Variants in NOCT observed in about 807,000 individuals in gnomAD.
NOCT encodes nocturnin.
In NOCT, 18 loss-of-function variants were observed where a neutral mutation model predicts 35.0. The ratio of observed to expected loss-of-function variants is 0.51; its 90% CI spans 0.36 to 0.76. The LOEUF (loss-of-function observed/expected upper bound fraction) is 0.76, where lower values mean the gene tolerates loss of function less well. NOCT is among the 30% of genes least tolerant of loss of function. The probability of loss-of-function intolerance (pLI) is 0.01; values close to 1 mark genes in which losing one functional copy is unlikely to be tolerated. For synonymous variants in NOCT, 235 were observed against 226.3 expected, an observed-to-expected ratio of 1.04 and a Z score of -0.34; for missense variants, 479 against 541.0, an observed-to-expected ratio of 0.89 and a Z score of 1.14.
chr4:139,025,090 C>G (rs186494584), intron 1 of NOCT, among the ~76,000 whole-genome samples: 204 of 152,298 alleles, frequency 1.3e-3, no homozygotes, highest in Middle Eastern at 3.4e-3. Flanking sequence ...AGAGTTAGCT[C>G]CTGATCTGGT....
chr4:139,039,848 C>G (rs1273540864), intron 1 of NOCT, among the ~76,000 whole-genome samples: 1 of 152,120 alleles, frequency 6.6e-6, no homozygotes, highest in Non-Finnish European at 1.5e-5. Flanking sequence ...CTGCCTCACC[C>G]TCGCGAGTAG....
At chr4:139,022,275 A>C (rs1204082947) in intron 1 of NOCT, among the ~76,000 whole-genome samples, 2 of 152,202 alleles carry the variant, frequency 1.3e-5, no homozygotes, top group Non-Finnish European at 2.9e-5. Context: ...CCTCAAGTGA[A>C]AACCTTAGCT....
At chr4:139,021,623 C>T (rs1726416240) in intron 1 of NOCT, among the ~76,000 whole-genome samples, 1 of 152,024 alleles carries the variant, frequency 6.6e-6, no homozygotes, top group South Asian at 2.1e-4. Context: ...TAAGTCACAA[C>T]TTAGAGTAAA....
intron 1 of NOCT, among the ~76,000 whole-genome samples, chr4:139,038,555 T>C (rs142688315): frequency 2.1e-4 from 32 of 152,350 alleles, no homozygotes; most frequent in African/African-American, 7.5e-4. Flanking sequence ...CAGGGAATGA[T>C]AGACTATCCC....
At chr4:139,024,235 T>G (rs1383969372) in intron 1 of NOCT, among the ~76,000 whole-genome samples, 1 of 151,934 alleles carries the variant, frequency 6.6e-6, no homozygotes, top group Non-Finnish European at 1.5e-5. Context: ...TACTTTTATT[T>G]TTTTGTAGAG....
At chr4:139,044,535 A>G (rs192699544) in intron 2 of NOCT, 104 bp from the exon 3 acceptor site, 3 of 680,656 alleles carry the variant, frequency 4.4e-6, no homozygotes, top group Non-Finnish European at 7.7e-6. Context: ...AAGCATTTAA[A>G]GCAGAGGAAG....
intron 1 of NOCT, among the ~76,000 whole-genome samples, chr4:139,040,879 T>G (rs181824680): frequency 5.9e-5 from 9 of 152,250 alleles, no homozygotes; most frequent in African/African-American, 2.2e-4. Flanking sequence ...GTTTTTTGTT[T>G]GTTTTCCCCA....
intron 2 of NOCT, 65 bp downstream of exon 2, chr4:139,043,408 A>G: frequency 2.7e-6 from 4 of 1,474,296 alleles, no homozygotes; most frequent in Non-Finnish European, 3.8e-6. Flanking sequence ...GCTTCTGCAC[A>G]TCCACAGTGC....
chr4:139,019,012 A>G (rs939999026), intron 1 of NOCT, among the ~76,000 whole-genome samples: 2 of 152,226 alleles, frequency 1.3e-5, no homozygotes, highest in Non-Finnish European at 2.9e-5. Flanking sequence ...TGTTTTCCAA[A>G]GAGCCTCAGA....
intron 1 of NOCT, among the ~76,000 whole-genome samples, chr4:139,023,476 G>A (rs1726452260): frequency 6.6e-6 from 1 of 152,076 alleles, no homozygotes; most frequent in African/African-American, 2.4e-5. Flanking sequence ...GACTCTCTGA[G>A]ACTTAGTTCT....
intron 1 of NOCT, among the ~76,000 whole-genome samples, chr4:139,033,689 AAG>A (rs1726667182): frequency 6.6e-6 from 1 of 151,898 alleles, no homozygotes; most frequent in Non-Finnish European, 1.5e-5. Context: ...AAAAAAAAAA[AAG>A]GGGGAATGTA....
At chr4:139,033,050 G>C (rs999810929) in intron 1 of NOCT, among the ~76,000 whole-genome samples, 5 of 151,800 alleles carry the variant, frequency 3.3e-5, no homozygotes, top group Non-Finnish European at 4.4e-5. Context: ...GAGGAACAGA[G>C]CGAGACTCCA....
intron 1 of NOCT, among the ~76,000 whole-genome samples, chr4:139,041,044 A>T (rs1184808048): frequency 1.3e-5 from 2 of 152,248 alleles, no homozygotes; most frequent in Non-Finnish European, 2.9e-5. Context: ...AAACAGTTGT[A>T]TATGTGTGTA....
At chr4:139,027,838 C>T (rs1197076383) in intron 1 of NOCT, among the ~76,000 whole-genome samples, 1 of 152,162 alleles carries the variant, frequency 6.6e-6, no homozygotes, top group Non-Finnish European at 1.5e-5. Context: ...ATCATTTTCA[C>T]ATGTCATGAA....
rs890396248 is a variant in NOCT at position 139,016,011 on chromosome 4, G to T, written c.30G>T (p.Ser10=). The T allele has an allele frequency of 4.3e-6, 6 of 1,394,636 alleles. No individual in the cohort carries two copies. The highest frequency in any genetic ancestry group is 4.6e-6 in the Non-Finnish European group (5 of 1,075,962). The allele number at this position is 1,394,636 out of a possible 1,614,324, so 86.4% of individuals were successfully genotyped here. A position where few individuals can be genotyped will look rare whatever the true frequency, so the allele number is the denominator to read the frequency against. The change falls in exon 1 of 3, where the codon TCG becomes TCT. Residue 10 remains serine, a synonymous_variant. Transcript: ENST00000280614. Reference sequence around the variant, plus strand: ...TTCATAGTCCGCGGCGGCTCTGCTCGGCCCTGCTGCAGAGGGACGCGCCCG... The same window carrying T: ...TTCATAGTCCGCGGCGGCTCTGCTCTGCCCTGCTGCAGAGGGACGCGCCCG... MFHSPRRLC[S]ALLQRDAPGL... is the part of the protein sequence containing the mutation.
rs1035790946 is a variant in NOCT, at chr4:139,045,827, A to C, written c.*353A>C. On this transcript the variant is annotated 3_prime_UTR_variant, in exon 3 of 3. Transcript: ENST00000280614. ...ACAATGCCAGAGGAAGGATAGAAAC[A>C]TGGGAAGTTTCTATCATTTCATTTT... is the stretch of plus-strand genomic sequence containing the variant. 1.8e-5 allele frequency: 3 copies of C among 166,308 alleles called. No homozygotes were observed. The highest frequency in any genetic ancestry group is 7.1e-5 in the African/African-American group (3 of 42,074). The allele number at this position is 166,308 out of a possible 1,614,324, so 10.3% of individuals were successfully genotyped here.
chr4:139,020,406 G>A (rs1726387018), intron 1 of NOCT, among the ~76,000 whole-genome samples: 1 of 152,078 alleles, frequency 6.6e-6, no homozygotes, highest in African/African-American at 2.4e-5. Flanking sequence ...TCTAATAGGT[G>A]AAAAAGGAGG....
chr4:139,017,905 A>C (rs1434808296), intron 1 of NOCT, among the ~76,000 whole-genome samples: 1 of 152,208 alleles, frequency 6.6e-6, no homozygotes. Context: ...GCAGATATTT[A>C]GGTATTTCCC....
At position 139,043,282 on chromosome 4, in the gene NOCT, GAC is replaced by G; in HGVS notation, c.401_402del (p.Thr134ArgfsTer4). 6.2e-7 allele frequency: 1 copy of G among 1,614,178 alleles called. No individual in the cohort carries two copies. The highest frequency in any genetic ancestry group is 8.5e-7 in the Non-Finnish European group (1 of 1,180,030). The part of the protein sequence containing the change: ...RFQRDFVDLR[T>X]DCPSTHPPIR... ...TCCAGAGGGATTTTGTGGATCTGAG[GAC>G]AGATTGCCCTAGTACCCACCCACCT... On this transcript the variant is annotated frameshift_variant, in exon 2 of 3. Transcript: ENST00000280614. LOFTEE classifies it high-confidence loss of function.
Sources: gnomAD v4.1 joint callset for allele counts (sites outside exome capture counted in the v4.1 genomes callset) on GRCh38, gnomAD v4.1.1 for gene constraint, MANE v1.5 for transcripts, NCBI Gene and HGNC (gene_info 2026-07-23, HGNC 2026-07-21) for gene names.